Variants in DIS3L2 observed in about 807,000 individuals in gnomAD.
DIS3L2 encodes DIS3-like exonuclease 2.
DIS3L2 carries 34 observed loss-of-function variants against 97.5 expected under a neutral mutation model. That is an observed-to-expected ratio of 0.35 (90% CI 0.27 to 0.46). The LOEUF (loss-of-function observed/expected upper bound fraction) is 0.46, where lower values mean the gene tolerates loss of function less well. Among genes scored for constraint, DIS3L2 ranks in the 20% least tolerant of loss-of-function variants. DIS3L2 has a pLI of 1.00. For missense variants in DIS3L2, 1,038 were observed against 1,146.0 expected (o/e 0.91, Z 1.36); for synonymous variants, 435 against 445.2 (o/e 0.98, Z 0.29).
At chr2:232,128,020 G>A (rs907162296) in intron 6 of DIS3L2, among the ~76,000 whole-genome samples, 6 of 152,096 alleles carry the variant, frequency 3.9e-5, no homozygotes, top group African/African-American at 1.4e-4. Context: ...GCACGATCCT[G>A]ATTCACTGCA....
chr2:232,036,974 C>T (rs557721820), intron 5 of DIS3L2, among the ~76,000 whole-genome samples: 12 of 152,178 alleles, frequency 7.9e-5, no homozygotes, highest in South Asian at 2.1e-4. Context: ...TGCTGGGAGG[C>T]GTCTCCCTGT....
chr2:232,180,005 G>T (rs1190816452), intron 9 of DIS3L2, among the ~76,000 whole-genome samples: 1 of 122,590 alleles, frequency 8.2e-6, no homozygotes, highest in African/African-American at 4.5e-5. Context: ...ATTCTGGTAT[G>T]TTGTGTCTTT....
intron 9 of DIS3L2, among the ~76,000 whole-genome samples, chr2:232,174,653 T>G (rs1177651478): frequency 6.6e-6 from 1 of 151,866 alleles, no homozygotes; most frequent in Non-Finnish European, 1.5e-5. Context: ...TTTCCTGTAT[T>G]TAGAAGTTCA....
intron 9 of DIS3L2, among the ~76,000 whole-genome samples, chr2:232,166,403 A>T (rs2106379601): frequency 6.6e-6 from 1 of 152,318 alleles, no homozygotes. Flanking sequence ...GCTCTCTGCT[A>T]TTCATGAAGT....
chr2:232,233,270 A>T (rs1252040124), intron 10 of DIS3L2, among the ~76,000 whole-genome samples: 1 of 152,216 alleles, frequency 6.6e-6, no homozygotes, highest in Non-Finnish European at 1.5e-5. Flanking sequence ...GAAGTCCAAG[A>T]TCAAGATGCT....
rs76236931 is a variant in DIS3L2 at position 232,173,206 on chromosome 2, G to A, written c.1124+9574G>A. On this transcript the variant is annotated intron_variant, in intron 9 of 20. Transcript: ENST00000325385. ...GGTGTCATATCTATAAAAACCATTG[G>A]CGAAGATCACAAAGAGTTAGACATA... Among the ~76,000 whole-genome samples the A allele has an allele frequency of 2.1e-3, 318 of 152,122 alleles. 3 individuals carry two copies. The highest frequency in any genetic ancestry group is 7.1e-3 in the African/African-American group (294 of 41,520).
chr2:232,202,920 C>CAGACCT (rs1284737820), intron 9 of DIS3L2, among the ~76,000 whole-genome samples: 1 of 152,222 alleles, frequency 6.6e-6, no homozygotes, highest in Non-Finnish European at 1.5e-5. Context: ...AGCAAGGGGA[C>CAGACCT]AGACCTAGGT....
intron 11 of DIS3L2, among the ~76,000 whole-genome samples, chr2:232,245,830 C>A (rs1222697788): frequency 6.6e-6 from 1 of 152,144 alleles, no homozygotes; most frequent in Non-Finnish European, 1.5e-5. Context: ...AGGTTAGTAG[C>A]CAAAACAGTG....
At chr2:232,015,222 A>C (rs1242387024) in intron 2 of DIS3L2, among the ~76,000 whole-genome samples, 2 of 152,156 alleles carry the variant, frequency 1.3e-5, no homozygotes, top group African/African-American at 4.8e-5. Context: ...AGTAATTTCT[A>C]TTTTCAAAAA....
At chr2:232,011,472 C>T (rs577800780) in intron 1 of DIS3L2, among the ~76,000 whole-genome samples, 1 of 151,696 alleles carries the variant, frequency 6.6e-6, no homozygotes, top group African/African-American at 2.4e-5. Flanking sequence ...TCCACCTTAG[C>T]CTCCTAAGTA....
intron 10 of DIS3L2, among the ~76,000 whole-genome samples, chr2:232,235,024 G>A (rs190859267): frequency 1.3e-5 from 2 of 152,196 alleles, no homozygotes; most frequent in African/African-American, 2.4e-5. Flanking sequence ...TCTGAATCCC[G>A]CTTTATAATC....
chr2:232,266,539 C>T (rs1448209296), intron 13 of DIS3L2, among the ~76,000 whole-genome samples: 1 of 152,140 alleles, frequency 6.6e-6, no homozygotes, highest in Non-Finnish European at 1.5e-5. Context: ...CCTTGGTTCC[C>T]CCGAAAACAA....
intron 5 of DIS3L2, among the ~76,000 whole-genome samples, chr2:232,073,300 A>G (rs1365746704): frequency 6.6e-6 from 1 of 152,194 alleles, no homozygotes; most frequent in Admixed American, 6.5e-5. Flanking sequence ...GGACTTCCTG[A>G]CATGCTTTAG....
chr2:231,991,385 A>C (rs1693583493), intron 1 of DIS3L2, among the ~76,000 whole-genome samples: 1 of 151,746 alleles, frequency 6.6e-6, no homozygotes, highest in Non-Finnish European at 1.5e-5. Flanking sequence ...TGATCCTCCT[A>C]CTTCAGTTTT....
chr2:231,983,553 A>G (rs1693319837), intron 1 of DIS3L2, among the ~76,000 whole-genome samples: 1 of 152,172 alleles, frequency 6.6e-6, no homozygotes, highest in Admixed American at 6.5e-5. Context: ...TGTGAACTGC[A>G]TGTGAGGGAT....
At chr2:232,211,177 C>G (rs1692180424) in intron 10 of DIS3L2, among the ~76,000 whole-genome samples, 2 of 151,316 alleles carry the variant, frequency 1.3e-5, no homozygotes, top group African/African-American at 4.8e-5. Context: ...CAGAGTCCCA[C>G]TCTTTTGCCC....
rs367638559 is a variant in DIS3L2 at position 232,136,552 on chromosome 2, G to A, written c.783G>A (p.Leu261=). 6.7e-5 allele frequency: 108 copies of A among 1,614,070 alleles called. No individual in the cohort carries two copies. The African/African-American group carries it at 1.3e-3, about 19-fold the overall frequency. Residue 261 remains leucine, a synonymous_variant, in exon 8 of 21, where the codon CTG becomes CTA. Transcript: ENST00000325385. ...LKLLADKNSE[L]FRKYALFSPS... The stretch of plus-strand genomic sequence containing the variant: ...TCTTGGCTGATAAGAACAGCGAACT[G>A]TTTAGGAAATACGCCCTGTTTTCTC...
chr2:232,246,311 G>A (rs1460459399), intron 11 of DIS3L2, among the ~76,000 whole-genome samples: 2 of 152,258 alleles, frequency 1.3e-5, no homozygotes, highest in Admixed American at 6.5e-5. Context: ...TTTGCCAGAT[G>A]TAAAATGTCC....
chr2:231,992,266 A>G (rs866739763), intron 1 of DIS3L2, among the ~76,000 whole-genome samples: 9 of 152,218 alleles, frequency 5.9e-5, no homozygotes, highest in Middle Eastern at 6.8e-3. Context: ...GTAAAATTTT[A>G]AGAGTGAGGT....
Sources: allele counts gnomAD v4.1 joint callset (sites outside exome capture counted in the v4.1 genomes callset), GRCh38; gene constraint gnomAD v4.1.1; transcripts MANE v1.5; gene names NCBI Gene and HGNC (gene_info 2026-07-23, HGNC 2026-07-21).